Variants in INVS observed in about 807,000 individuals in gnomAD.
INVS encodes the protein inversion of embryo turning homolog.
Under a neutral mutation model 108.8 loss-of-function variants are expected in INVS, and 86 were observed. The ratio of observed to expected loss-of-function variants is 0.79; its 90% CI spans 0.66 to 0.95. The LOEUF (loss-of-function observed/expected upper bound fraction) is 0.95, where lower values mean the gene tolerates loss of function less well. Among genes scored for constraint, INVS ranks in the 40% least tolerant of loss-of-function variants. The pLI is 0.00. For synonymous variants in INVS, 455 were observed against 473.5 expected, an observed-to-expected ratio of 0.96 and a Z score of 0.51; for missense variants, 1,169 against 1,297.4, an observed-to-expected ratio of 0.90 and a Z score of 1.52.
chr9:100,167,574 G>A (rs1481884537), intron 3 of INVS, among the ~76,000 whole-genome samples: 1 of 152,104 alleles, frequency 6.6e-6, no homozygotes, highest in Non-Finnish European at 1.5e-5. Flanking sequence ...CTCACACATT[G>A]TATTCTCCCT....
chr9:100,120,430 CATT>C (rs1827692693), intron 2 of INVS: 1 of 175,094 alleles, frequency 5.7e-6, no homozygotes. Flanking sequence ...TAAATCACCT[CATT>C]GTCATAATTT....
chr9:100,105,389 G>C (rs1827139607), intron 2 of INVS, among the ~76,000 whole-genome samples: 1 of 152,044 alleles, frequency 6.6e-6, no homozygotes, highest in Admixed American at 6.5e-5. Flanking sequence ...CGTAACCTCT[G>C]GCTAAGCTAG....
chr9:100,220,835 G>C (rs1359025284), intron 3 of INVS, among the ~76,000 whole-genome samples: 1 of 152,088 alleles, frequency 6.6e-6, no homozygotes, highest in Non-Finnish European at 1.5e-5. Flanking sequence ...GATTTACCAG[G>C]CTTGGTGGCA....
chr9:100,265,408 A>G (rs16919024), intron 11 of INVS, among the ~76,000 whole-genome samples: 1 of 152,130 alleles, frequency 6.6e-6, no homozygotes, highest in East Asian at 1.9e-4. Context: ...ACTTTCATGC[A>G]ATGTTGATTT....
chr9:100,190,538 T>G (rs911459570), intron 3 of INVS, among the ~76,000 whole-genome samples: 3 of 152,194 alleles, frequency 2.0e-5, no homozygotes, highest in African/African-American at 7.2e-5. Context: ...CTTTTAGTAT[T>G]TCTTGTAGAG....
chr9:100,232,118 T>A (rs1408628251), intron 5 of INVS, among the ~76,000 whole-genome samples: 1 of 152,170 alleles, frequency 6.6e-6, no homozygotes, highest in Non-Finnish European at 1.5e-5. Context: ...GATGATGAGC[T>A]TTTTTTCATA....
At chr9:100,262,638 TAA>T (rs58650063) in intron 10 of INVS, among the ~76,000 whole-genome samples, 21,423 of 116,380 alleles carry the variant, frequency 0.18, 2,025 homozygotes, top group African/African-American at 0.29. Context: ...CCTGGAGCAC[TAA>T]AAAAAAAAAA....
intron 3 of INVS, among the ~76,000 whole-genome samples, chr9:100,223,982 GA>G (rs745983532): frequency 7.2e-5 from 11 of 152,056 alleles, no homozygotes; most frequent in Non-Finnish European, 1.3e-4. Flanking sequence ...CACACTGGAA[GA>G]AGAAGAATTG....
chr9:100,204,826 C>T (rs1192850550), intron 3 of INVS, among the ~76,000 whole-genome samples: 1 of 151,930 alleles, frequency 6.6e-6, no homozygotes, highest in Non-Finnish European at 1.5e-5. Flanking sequence ...TTTTTAAGGA[C>T]TCCATTTTGG....
chr9:100,239,997 AC>A, intron 5 of INVS, 62 bp from the exon 6 acceptor site: 1 of 1,432,510 alleles, frequency 7.0e-7, no homozygotes, highest in Non-Finnish European at 9.8e-7. Flanking sequence ...AAAAATACTT[AC>A]ACCAAATGTA....
chr9:100,226,859 C>A (rs1373374638), intron 4 of INVS, among the ~76,000 whole-genome samples: 1 of 146,818 alleles, frequency 6.8e-6, no homozygotes, highest in African/African-American at 2.5e-5. Context: ...AACTCCAAAA[C>A]CCAATATTTG....
intron 13 of INVS, among the ~76,000 whole-genome samples, chr9:100,291,193 A>G (rs994556525): frequency 1.3e-5 from 2 of 151,906 alleles, no homozygotes; most frequent in Non-Finnish European, 2.9e-5. Context: ...CCTCCCAAGT[A>G]GCTGGGACTA....
intron 3 of INVS, among the ~76,000 whole-genome samples, chr9:100,165,163 T>C (rs1829322329): frequency 6.6e-6 from 1 of 152,094 alleles, no homozygotes; most frequent in African/African-American, 2.4e-5. Flanking sequence ...ACATGTAATG[T>C]TTTGATACAG....
In INVS at chr9:100,301,679, T is replaced by C. The variant is rs1833974936; in HGVS notation, c.*1005T>C. Among the ~76,000 whole-genome samples, 1 of 152,192 alleles carries C rather than the reference T, an allele frequency of 6.6e-6. No individual in the cohort carries two copies. Among genetic ancestry groups the C allele is most frequent in the Admixed American group, 6.5e-5 (1 of 15,278 alleles). On this transcript the variant is annotated 3_prime_UTR_variant, in exon 17 of 17. Coordinates refer to ENST00000262457, the MANE Select transcript of INVS (RefSeq NM_014425.5). ...TTGACAGTAGGCATAAACAGTGATA[T>C]ATTTTACTCACAGGTATTTTGGGGG... is the stretch of plus-strand genomic sequence containing the variant.
Position 100,240,170 on chromosome 9 carries a change from A to G in INVS, c.726A>G (p.Ser242=), listed in dbSNP as rs1244787477. 1.2e-6 allele frequency: 2 copies of G among 1,613,918 alleles called. No individual in the cohort carries two copies. Among genetic ancestry groups the G allele is most frequent in the Non-Finnish European group, 1.7e-6 (2 of 1,179,948 alleles). The change falls in exon 6 of 17, where the codon TCA becomes TCG. Residue 242 remains serine (S), a synonymous_variant. Transcript: ENST00000262457. ...GNVTVVDVLT[S]YESCNITSYD... is the part of the protein sequence containing the mutation. Reference sequence around the variant, plus strand: ...TGACCGTGGTTGATGTCTTGACCTCATATGAAAGCTGCAATATAACGTCTT... The same window carrying G: ...TGACCGTGGTTGATGTCTTGACCTCGTATGAAAGCTGCAATATAACGTCTT...
Position 100,246,106 on chromosome 9 carries a change from T to C in INVS, c.907-510T>C, listed in dbSNP as rs376948534. Among the ~76,000 whole-genome samples the C allele has an allele frequency of 3.8e-3, 569 of 149,418 alleles. 4 individuals carry two copies. Among genetic ancestry groups the C allele is most frequent in the African/African-American group, 0.013 (517 of 40,236 alleles). On this transcript the variant is annotated intron_variant, in intron 7 of 16. Transcript: ENST00000262457. ...AGGCAGAGGTTGCAGTGAGCCGAGATTGCACCACTGCACTCCAACCTGGGC... is the reference window on the plus strand; with the variant it reads ...AGGCAGAGGTTGCAGTGAGCCGAGACTGCACCACTGCACTCCAACCTGGGC...
intron 2 of INVS, among the ~76,000 whole-genome samples, chr9:100,119,702 C>T (rs193135603): frequency 1.2e-4 from 19 of 152,274 alleles, no homozygotes; most frequent in Admixed American, 9.8e-4. Flanking sequence ...GGACTACAGG[C>T]GCCCGCCACC....
At chr9:100,237,478 C>A (rs1037774398) in intron 5 of INVS, among the ~76,000 whole-genome samples, 3 of 152,134 alleles carry the variant, frequency 2.0e-5, no homozygotes, top group African/African-American at 7.2e-5. Flanking sequence ...AACCTAGGGC[C>A]CTGGTGCTGT....
At chr9:100,143,404 T>G (rs1164455023) in intron 3 of INVS, among the ~76,000 whole-genome samples, 1 of 152,180 alleles carries the variant, frequency 6.6e-6, no homozygotes, top group East Asian at 1.9e-4. Context: ...AATAGCAGGC[T>G]TTAATCCTTT....
Sources: allele counts gnomAD v4.1 joint callset (sites outside exome capture counted in the v4.1 genomes callset), GRCh38; gene constraint gnomAD v4.1.1; transcripts MANE v1.5; gene names NCBI Gene and HGNC (gene_info 2026-07-23, HGNC 2026-07-21).